Variants in ZBTB20 observed in about 807,000 individuals in gnomAD.
The protein encoded by ZBTB20 is zinc finger and BTB domain containing 20.
Under a neutral mutation model 56.9 loss-of-function variants are expected in ZBTB20, and 9 were observed. That is an observed-to-expected ratio of 0.16 (90% CI 0.10 to 0.28). The LOEUF is 0.28. Ranked by LOEUF, ZBTB20 falls within the 10% of genes least tolerant of loss-of-function variation. The pLI, the probability that ZBTB20 is intolerant of heterozygous loss-of-function variation, is 1.00. For missense variants in ZBTB20, 655 were observed against 1,003.0 expected, an observed-to-expected ratio of 0.65 and a Z score of 4.69; for synonymous variants, 417 against 420.7, an observed-to-expected ratio of 0.99 and a Z score of 0.11.
intron 5 of ZBTB20, among the ~76,000 whole-genome samples, chr3:114,750,517 A>G (rs2067479280): frequency 6.6e-6 from 1 of 152,222 alleles, no homozygotes; most frequent in Non-Finnish European, 1.5e-5. Flanking sequence ...GTACGATCCA[A>G]GGTGAGGCTA....
chr3:114,588,558 A>AT (rs958515299), intron 6 of ZBTB20, among the ~76,000 whole-genome samples: 3 of 151,912 alleles, frequency 2.0e-5, no homozygotes, highest in Admixed American at 6.6e-5. Context: ...AGTATTTCCA[A>AT]TTTTTTTTAA....
chr3:114,939,146 G>T (rs911800270), intron 3 of ZBTB20, among the ~76,000 whole-genome samples: 4 of 146,096 alleles, frequency 2.7e-5, no homozygotes, highest in East Asian at 3.9e-4. Context: ...TGAAAACAGA[G>T]CTGAGAAAGA....
intron 7 of ZBTB20, among the ~76,000 whole-genome samples, chr3:114,477,474 C>T (rs956066253): frequency 2.0e-5 from 3 of 151,136 alleles, no homozygotes; most frequent in African/African-American, 7.3e-5. Flanking sequence ...CTGAAAATGA[C>T]CTTTGTTCCC....
At chr3:115,124,481 T>C (rs948297507) in intron 1 of ZBTB20, among the ~76,000 whole-genome samples, 17 of 152,228 alleles carry the variant, frequency 1.1e-4, no homozygotes, top group Non-Finnish European at 2.1e-4. Flanking sequence ...AAATGAAGCA[T>C]GTTCTTTCTA....
intron 7 of ZBTB20, among the ~76,000 whole-genome samples, chr3:114,452,366 T>C (rs917190805): frequency 6.6e-6 from 1 of 152,182 alleles, no homozygotes; most frequent in Non-Finnish European, 1.5e-5. Context: ...AAAGAAAACA[T>C]GTAAGTGTAA....
At chr3:114,644,444 C>A (rs1256785554) in intron 6 of ZBTB20, among the ~76,000 whole-genome samples, 3 of 152,070 alleles carry the variant, frequency 2.0e-5, no homozygotes, top group Non-Finnish European at 1.5e-5. Flanking sequence ...TCATTGCCAT[C>A]ACTGCAGTTC....
At chr3:114,691,763 C>G (rs1418009212) in intron 6 of ZBTB20, among the ~76,000 whole-genome samples, 1 of 151,892 alleles carries the variant, frequency 6.6e-6, no homozygotes, top group Non-Finnish European at 1.5e-5. Context: ...GGAAATATAT[C>G]AAATGGTTAT....
intron 7 of ZBTB20, among the ~76,000 whole-genome samples, chr3:114,480,672 C>T (rs367606763): frequency 6.6e-6 from 1 of 152,188 alleles, no homozygotes; most frequent in African/African-American, 2.4e-5. Flanking sequence ...TTGCAACACA[C>T]TTCTTTGTCC....
intron 4 of ZBTB20, among the ~76,000 whole-genome samples, chr3:114,844,550 A>AAAAAC: frequency 1.4e-5 from 2 of 141,576 alleles, no homozygotes; most frequent in East Asian, 2.0e-4. Context: ...AAAAAAAAAA[A>AAAAAC]AACTTTCATT....
chr3:114,805,808 G>A (rs2072061770), intron 4 of ZBTB20, among the ~76,000 whole-genome samples: 1 of 151,690 alleles, frequency 6.6e-6, no homozygotes, highest in East Asian at 1.9e-4. Flanking sequence ...CTATAAATTT[G>A]CCCTTTTTGG....
In ZBTB20 at chr3:114,339,963, G is replaced by T. The variant is rs894629444; in HGVS notation, c.1805-537C>A. 6.6e-6 allele frequency among the ~76,000 whole-genome samples: 1 copy of T among 152,168 alleles called. No homozygotes were observed. Among genetic ancestry groups the T allele is most frequent in the Admixed American group, 6.5e-5 (1 of 15,276 alleles). ...TAAGAAATACACCTATGTGTTGATT[G>T]TGAGTTTGGAAAATATTTGCCAACA... On this transcript the variant is annotated intron_variant, in intron 11 of 11. Coordinates refer to ENST00000675478, the MANE Select transcript of ZBTB20 (RefSeq NM_001348800.3). This position sits in a 1 kb window ranked among gnomAD's most constrained non-coding sequence, Gnocchi z 4.2.
Position 114,989,257 on chromosome 3 carries a change from C to T in ZBTB20, c.-506-14841G>A, listed in dbSNP as rs890414921. On this transcript the variant is annotated intron_variant, in intron 2 of 11. Coordinates refer to ENST00000675478, the MANE Select transcript of ZBTB20 (RefSeq NM_001348800.3). ...TAGGTCTAACATTTAAGTCTTTAAT[C>T]CATCTTGAATTAATTTTTGTATAAG... Among the ~76,000 whole-genome samples the T allele has an allele frequency of 2.0e-5, 3 of 152,082 alleles. 1 individual carries two copies. Among genetic ancestry groups the T allele is most frequent in the South Asian group, 4.1e-4 (2 of 4,828 alleles).
intron 5 of ZBTB20, among the ~76,000 whole-genome samples, chr3:114,730,726 G>A (rs1279659160): frequency 3.9e-5 from 6 of 152,168 alleles, no homozygotes; most frequent in Admixed American, 3.9e-4. Flanking sequence ...AGCCTCCAGA[G>A]TTGTGAGAAA....
chr3:114,868,695 A>G (rs2075869897), intron 4 of ZBTB20, among the ~76,000 whole-genome samples: 1 of 152,222 alleles, frequency 6.6e-6, no homozygotes, highest in Middle Eastern at 3.2e-3. Flanking sequence ...TCAATGGAAA[A>G]GGACATTCAA....
At chr3:115,048,861 A>T (rs1287584164) in intron 2 of ZBTB20, among the ~76,000 whole-genome samples, 1 of 152,032 alleles carries the variant, frequency 6.6e-6, no homozygotes, top group African/African-American at 2.4e-5. Context: ...TTTATTAAAG[A>T]CTTCTATCTA....
At chr3:114,594,214 A>G (rs1288295398) in intron 6 of ZBTB20, among the ~76,000 whole-genome samples, 11 of 151,928 alleles carry the variant, frequency 7.2e-5, no homozygotes, top group Admixed American at 7.2e-4. Context: ...ATTAAAATGT[A>G]GTTCCAAAGT....
intron 1 of ZBTB20, among the ~76,000 whole-genome samples, chr3:115,114,843 A>G (rs1443360532): frequency 6.6e-6 from 1 of 152,148 alleles, no homozygotes; most frequent in African/African-American, 2.4e-5. Context: ...AAAAATATAC[A>G]TTAGAGCGCA....
chr3:114,461,707 G>A (rs986188016), intron 7 of ZBTB20, among the ~76,000 whole-genome samples: 4 of 152,202 alleles, frequency 2.6e-5, no homozygotes, highest in Non-Finnish European at 5.9e-5. Flanking sequence ...TAGTCCTTGG[G>A]CCAGCAGCAT....
intron 4 of ZBTB20, among the ~76,000 whole-genome samples, chr3:114,805,773 C>T (rs1490245371): frequency 1.3e-5 from 2 of 151,828 alleles, no homozygotes; most frequent in African/African-American, 2.4e-5. Flanking sequence ...AATCCCTAGA[C>T]CCAGACAACA....
Sources: gnomAD v4.1 joint callset for allele counts (sites outside exome capture counted in the v4.1 genomes callset) on GRCh38, gnomAD v4.1.1 for gene constraint, Gnocchi (gnomAD v3.1) non-coding constraint, MANE v1.5 for transcripts, NCBI Gene and HGNC (gene_info 2026-07-23, HGNC 2026-07-21) for gene names.